Variants in SOS1 observed in about 807,000 individuals in gnomAD.
SOS1 encodes the protein SOS Ras/Rac guanine nucleotide exchange factor 1.
SOS1 carries 25 observed loss-of-function variants against 157.6 expected under a neutral mutation model. That is an observed-to-expected ratio of 0.16 (90% CI 0.12 to 0.22). The LOEUF (loss-of-function observed/expected upper bound fraction) is 0.22. Among genes scored for constraint, SOS1 ranks in the 10% least tolerant of loss-of-function variants. The pLI is 1.00. For synonymous variants in SOS1, 528 were observed against 534.0 expected (o/e 0.99, Z 0.16); for missense variants, 1,237 against 1,599.1 (o/e 0.77, Z 3.86).
chr2:39,061,998 T>TA (rs58753292), intron 2 of SOS1, among the ~76,000 whole-genome samples: 116,501 of 149,798 alleles, frequency 0.78, 47,414 homozygotes, highest in Non-Finnish European at 0.9. Flanking sequence ...GTACTTCAGT[T>TA]AAAAAAAAAA....
chr2:39,046,395 C>T (rs2168042), intron 6 of SOS1, among the ~76,000 whole-genome samples: 140,323 of 152,206 alleles, frequency 0.92, 64,792 homozygotes, highest in African/African-American at 0.96. Context: ...CTTTCCAAGA[C>T]GAAAAACTTT....
At chr2:39,049,002 C>G (rs1220066844) in intron 6 of SOS1, among the ~76,000 whole-genome samples, 1 of 152,246 alleles carries the variant, frequency 6.6e-6, no homozygotes, top group East Asian at 1.9e-4. Flanking sequence ...ACTGCAGTCT[C>G]CACCTCCTGG....
chr2:39,077,357 A>C (rs866896072), intron 1 of SOS1, among the ~76,000 whole-genome samples: 18 of 152,088 alleles, frequency 1.2e-4, no homozygotes, highest in African/African-American at 4.1e-4. Flanking sequence ...TTTATGAAGA[A>C]AAATTTTTAA....
chr2:39,097,903 C>T (rs1672828042), intron 1 of SOS1, among the ~76,000 whole-genome samples: 1 of 152,124 alleles, frequency 6.6e-6, no homozygotes, highest in Non-Finnish European at 1.5e-5. Context: ...AGTTTAAGTG[C>T]TGAACATTAT....
chr2:39,045,269 AGAGAGTGT>A (rs1455327160), intron 6 of SOS1, among the ~76,000 whole-genome samples: 3 of 23,344 alleles, frequency 1.3e-4, no homozygotes, highest in African/African-American at 3.4e-4. Flanking sequence ...AGAGAGAGAG[AGAGAGTGT>A]GTGTGTGTGT....
At chr2:39,029,732 G>T (rs1670092166) in intron 8 of SOS1, among the ~76,000 whole-genome samples, 1 of 152,146 alleles carries the variant, frequency 6.6e-6, no homozygotes, top group Non-Finnish European at 1.5e-5. Flanking sequence ...GGCTCCTGTG[G>T]TACGCTATCC....
At chr2:39,122,407 G>A (rs1335858514), upstream of SOS1, among the ~76,000 whole-genome samples, 2 of 150,624 alleles carry the variant, frequency 1.3e-5, no homozygotes, top group African/African-American at 4.9e-5. Context: ...TCCAGCCTGG[G>A]CAACAAAACC....
intron 15 of SOS1, 118 bp from the exon 16 acceptor site, chr2:39,007,311 C>G: frequency 1.4e-6 from 1 of 705,206 alleles, no homozygotes; most frequent in East Asian, 2.6e-5. Flanking sequence ...AGTATAACTA[C>G]TATAGAGAAG....
chr2:39,042,834 T>G (rs187155636), intron 6 of SOS1, among the ~76,000 whole-genome samples: 2 of 152,130 alleles, frequency 1.3e-5, no homozygotes, highest in East Asian at 3.9e-4. Context: ...ATATATTCAA[T>G]GGACTGTAAC....
chr2:39,008,177 T>G (rs1228485509), intron 15 of SOS1, among the ~76,000 whole-genome samples: 1 of 152,162 alleles, frequency 6.6e-6, no homozygotes, highest in Non-Finnish European at 1.5e-5. Context: ...CTTCCACTTA[T>G]GGAATGGAGA....
intron 17 of SOS1, among the ~76,000 whole-genome samples, chr2:38,999,379 C>T (rs1321283234): frequency 6.6e-6 from 1 of 152,162 alleles, no homozygotes; most frequent in African/African-American, 2.4e-5. Context: ...TAGAGGCATA[C>T]ACCACAGAAA....
chr2:39,059,779 A>T (rs1671338312), intron 2 of SOS1, among the ~76,000 whole-genome samples: 1 of 152,196 alleles, frequency 6.6e-6, no homozygotes, highest in Non-Finnish European at 1.5e-5. Flanking sequence ...CTTAAGAGCA[A>T]ATCTATAAAT....
intron 6 of SOS1, among the ~76,000 whole-genome samples, chr2:39,046,765 A>C (rs2124587862): frequency 6.6e-6 from 1 of 152,208 alleles, no homozygotes; most frequent in Admixed American, 6.5e-5. Flanking sequence ...GGCCTCCCAA[A>C]GTGCTGGGAT....
chr2:39,044,945 G>A (rs1384792046), intron 6 of SOS1, among the ~76,000 whole-genome samples: 1 of 151,916 alleles, frequency 6.6e-6, no homozygotes, highest in Non-Finnish European at 1.5e-5. Context: ...CAAAATCTAG[G>A]GATGTTCAAG....
At chr2:39,035,707 T>TA (rs1670318335) in intron 6 of SOS1, among the ~76,000 whole-genome samples, 1 of 152,208 alleles carries the variant, frequency 6.6e-6, no homozygotes, top group South Asian at 2.1e-4. Context: ...TGATGAATAA[T>TA]AAAATCCTTA....
intron 12 of SOS1, 125 bp downstream of exon 12, chr2:39,013,742 T>G (rs1459509277): frequency 1.7e-5 from 16 of 930,590 alleles, no homozygotes; most frequent in Non-Finnish European, 2.6e-5. Flanking sequence ...ACTGCTCTAA[T>G]TAGTAAATTT....
chr2:39,063,736 A>G (rs1307771968), intron 2 of SOS1, among the ~76,000 whole-genome samples: 1 of 152,212 alleles, frequency 6.6e-6, no homozygotes, highest in East Asian at 1.9e-4. Context: ...ACTCTTAGAC[A>G]TATCCCCTAG....
intron 1 of SOS1, among the ~76,000 whole-genome samples, chr2:39,091,829 C>T (rs139649559): frequency 0.013 from 1,917 of 152,280 alleles, 17 homozygotes; most frequent in South Asian, 0.027. Context: ...TGACCACTTC[C>T]ACTTTCTTGC....
At chr2:39,122,790 C>A (rs78018832), upstream of SOS1, among the ~76,000 whole-genome samples, 10,095 of 151,862 alleles carry the variant, frequency 0.066, 456 homozygotes, top group East Asian at 0.19. Flanking sequence ...GTCATCCACC[C>A]GCCTCGGCCT....
Sources: gnomAD v4.1 joint callset for allele counts (sites outside exome capture counted in the v4.1 genomes callset) on GRCh38, gnomAD v4.1.1 for gene constraint, MANE v1.5 for transcripts, NCBI Gene and HGNC (gene_info 2026-07-23, HGNC 2026-07-21) for gene names.